RBFOX1: variants seen among roughly 807,000 people sequenced by gnomAD.
The protein encoded by RBFOX1 is RNA binding protein fox-1 homolog 1.
A neutral mutation model predicts 57.7 loss-of-function variants in RBFOX1; 8 were observed. The ratio of observed to expected loss-of-function variants is 0.14; its 90% CI spans 0.08 to 0.25. The LOEUF is 0.25. RBFOX1 is among the 10% of genes least tolerant of loss of function. The probability of loss-of-function intolerance (pLI) is 1.00; values close to 1 mark genes in which losing one functional copy is unlikely to be tolerated. For synonymous variants in RBFOX1, 326 were observed against 222.4 expected (o/e 1.47, Z -4.15); for missense variants, 611 against 548.5 (o/e 1.11, Z -1.14).
chr16:6,449,480 T>C (rs576918728), intron 2 of RBFOX1, among the ~76,000 whole-genome samples: 44 of 152,312 alleles, frequency 2.9e-4, no homozygotes, highest in Non-Finnish European at 5.6e-4. Context: ...TTGTTTTCTG[T>C]TGATGGAGTC....
intron 1 of RBFOX1, among the ~76,000 whole-genome samples, chr16:6,118,832 C>G (rs1165584725): frequency 6.6e-6 from 1 of 151,284 alleles, no homozygotes; most frequent in African/African-American, 2.4e-5. Context: ...CTTCCTCTTT[C>G]TCTCTTTCCC....
chr16:5,426,442 G>A (rs1485386957), intron 1 of RBFOX1, among the ~76,000 whole-genome samples: 1 of 152,210 alleles, frequency 6.6e-6, no homozygotes, highest in Non-Finnish European at 1.5e-5. Flanking sequence ...CCCAGCGTTT[G>A]CAGCCACCGC....
chr16:7,189,138 C>A (rs567248061), intron 4 of RBFOX1, among the ~76,000 whole-genome samples: 1 of 151,866 alleles, frequency 6.6e-6, no homozygotes, highest in Admixed American at 6.6e-5. Flanking sequence ...AGAAAGGAAT[C>A]CTCAGGGCTG....
chr16:7,585,092 T>G (rs1486538017), intron 6 of RBFOX1, among the ~76,000 whole-genome samples: 2 of 152,242 alleles, frequency 1.3e-5, no homozygotes, highest in Non-Finnish European at 2.9e-5. Flanking sequence ...CAAGCTTCTC[T>G]TTCTGTAAAT....
At chr16:5,645,180 C>T (rs1260910650) in intron 3 of RBFOX1, among the ~76,000 whole-genome samples, 2 of 151,464 alleles carry the variant, frequency 1.3e-5, no homozygotes, top group African/African-American at 4.9e-5. Flanking sequence ...ACCTAGGAAG[C>T]AGAGGTTGCA....
At chr16:6,297,041 C>T (rs1231517312) in intron 1 of RBFOX1, among the ~76,000 whole-genome samples, 2 of 152,170 alleles carry the variant, frequency 1.3e-5, no homozygotes, top group African/African-American at 2.4e-5. Flanking sequence ...TCATGCCTCC[C>T]CTTTTTAGAC....
intron 3 of RBFOX1, among the ~76,000 whole-genome samples, chr16:5,811,042 C>T (rs868079802): frequency 6.6e-6 from 1 of 152,104 alleles, no homozygotes; most frequent in Non-Finnish European, 1.5e-5. Context: ...CCTGCCCCTC[C>T]CTGCTCCCAT....
chr16:5,302,931 T>G (rs1459133116), intron 1 of RBFOX1, among the ~76,000 whole-genome samples: 2 of 152,258 alleles, frequency 1.3e-5, no homozygotes, highest in African/African-American at 2.4e-5. Context: ...TTATATTTAA[T>G]GTAATTATGG....
intron 4 of RBFOX1, among the ~76,000 whole-genome samples, chr16:7,418,122 GC>G (rs2149286847): frequency 6.6e-6 from 1 of 152,128 alleles, no homozygotes; most frequent in South Asian, 2.1e-4. Flanking sequence ...CTCCCCCACG[GC>G]CAACCTAGGT....
chr16:7,121,358 A>C (rs1239319629), intron 4 of RBFOX1, among the ~76,000 whole-genome samples: 2 of 152,132 alleles, frequency 1.3e-5, no homozygotes, highest in Non-Finnish European at 2.9e-5. Context: ...GTCTATTTAT[A>C]AAATCCCAAG....
At chr16:5,284,555 T>C (rs2063345706) in intron 1 of RBFOX1, among the ~76,000 whole-genome samples, 1 of 150,506 alleles carries the variant, frequency 6.6e-6, no homozygotes, top group Non-Finnish European at 1.5e-5. Flanking sequence ...TTTTTTTTTT[T>C]TTAGGCAATG....
At chr16:6,839,695 G>A (rs1489937575) in intron 3 of RBFOX1, among the ~76,000 whole-genome samples, 1 of 152,140 alleles carries the variant, frequency 6.6e-6, no homozygotes, top group African/African-American at 2.4e-5. Context: ...GCTGTTCACT[G>A]GGATATTAGA....
chr16:7,710,350 ATCCT>A, intron 15 of RBFOX1: 2 of 1,279,172 alleles, frequency 1.6e-6, no homozygotes, highest in Non-Finnish European at 2.0e-6. Flanking sequence ...GACAGTGAAA[ATCCT>A]TCCATTGTCC....
chr16:7,314,367 C>A (rs1229091404), intron 4 of RBFOX1, among the ~76,000 whole-genome samples: 1 of 152,184 alleles, frequency 6.6e-6, no homozygotes, highest in African/African-American at 2.4e-5. Flanking sequence ...CCTTGCCATG[C>A]TGTTTTGCTC....
chr16:5,377,616 C>A (rs1233083751), intron 1 of RBFOX1, among the ~76,000 whole-genome samples: 2 of 149,974 alleles, frequency 1.3e-5, no homozygotes, highest in African/African-American at 2.5e-5. Flanking sequence ...AAGAGAGAGA[C>A]AGAGAGAGAG....
chr16:7,266,696 T>C (rs1046526165), intron 4 of RBFOX1, among the ~76,000 whole-genome samples: 1 of 152,198 alleles, frequency 6.6e-6, no homozygotes, highest in Admixed American at 6.5e-5. Flanking sequence ...TTCATGAGCT[T>C]ACATTCTTTA....
At chr16:7,000,036 C>T (rs1012403879) in intron 3 of RBFOX1, among the ~76,000 whole-genome samples, 4 of 147,772 alleles carry the variant, frequency 2.7e-5, no homozygotes, top group African/African-American at 1.0e-4. Context: ...CACACCACTG[C>T]ACTCCAGCCT....
rs76479216 is a variant in RBFOX1, at chr16:7,275,244, G to T, written c.27+223146G>T. Among the ~76,000 whole-genome samples the T allele has an allele frequency of 1.2e-4, 18 of 152,302 alleles. No homozygotes were observed. In the East Asian group the frequency reaches 3.1e-3, roughly 26 times the overall value. The stretch of plus-strand genomic sequence containing the variant: ...TACTAACTCATTCAAAAATAGCATT[G>T]TGCCATTGCTATTTCCCATGTATGT... On this transcript the variant is annotated intron_variant, in intron 4 of 15. Coordinates refer to ENST00000550418, the MANE Select transcript of RBFOX1 (RefSeq NM_018723.4).
At chr16:5,847,839 C>G (rs113809053) in intron 3 of RBFOX1, among the ~76,000 whole-genome samples, 108 of 152,246 alleles carry the variant, frequency 7.1e-4, no homozygotes, top group African/African-American at 2.4e-3. Context: ...GCCCCATGCT[C>G]TGTTCAGAAT....
Sources: allele counts gnomAD v4.1 joint callset (sites outside exome capture counted in the v4.1 genomes callset), GRCh38; gene constraint gnomAD v4.1.1; transcripts MANE v1.5; gene names NCBI Gene and HGNC (gene_info 2026-07-23, HGNC 2026-07-21).